RBFOX1: variants seen among roughly 807,000 people sequenced by gnomAD.
The protein encoded by RBFOX1 is RNA binding protein fox-1 homolog 1.
Under a neutral mutation model 57.7 loss-of-function variants are expected in RBFOX1, and 8 were observed. The ratio of observed to expected loss-of-function variants is 0.14; its 90% CI spans 0.08 to 0.25. The LOEUF is 0.25. Ranked by LOEUF, RBFOX1 falls within the 10% of genes least tolerant of loss-of-function variation. RBFOX1 has a pLI of 1.00. For missense variants in RBFOX1, 611 were observed against 548.5 expected (o/e 1.11, Z -1.14); for synonymous variants, 326 against 222.4 (o/e 1.47, Z -4.15).
At chr16:6,884,295 C>G (rs907859529) in intron 3 of RBFOX1, among the ~76,000 whole-genome samples, 4 of 152,150 alleles carry the variant, frequency 2.6e-5, no homozygotes, top group Non-Finnish European at 5.9e-5. Flanking sequence ...TACTGTGAAG[C>G]AACTGCAGCT....
intron 10 of RBFOX1, chr16:7,614,827 A>T (rs960122652): frequency 1.3e-5 from 2 of 152,238 alleles, no homozygotes; most frequent in Non-Finnish European, 2.9e-5. Flanking sequence ...CATTATTTTC[A>T]TGATCAAATT....
intron 3 of RBFOX1, chr16:6,774,005 A>G: frequency 2.0e-6 from 2 of 985,310 alleles, no homozygotes; most frequent in Non-Finnish European, 2.4e-6. Context: ...TTAGCTCCTC[A>G]GAGACCAGGT....
At chr16:5,467,176 C>T (rs1271755578) in intron 1 of RBFOX1, 6 of 1,248,926 alleles carry the variant, frequency 4.8e-6, no homozygotes, top group Admixed American at 2.6e-5. Flanking sequence ...AATGTTTCTT[C>T]TCTCTCTCTC....
chr16:6,328,733 A>G (rs1485827498), intron 2 of RBFOX1, among the ~76,000 whole-genome samples: 1 of 146,436 alleles, frequency 6.8e-6, no homozygotes, highest in Non-Finnish European at 1.5e-5. Context: ...GATTAAATAA[A>G]AATTCCTTTT....
chr16:7,401,768 C>T (rs1439566663), intron 4 of RBFOX1, among the ~76,000 whole-genome samples: 1 of 152,118 alleles, frequency 6.6e-6, no homozygotes, highest in African/African-American at 2.4e-5. Flanking sequence ...GACATATTGG[C>T]ACAACTCAGG....
intron 3 of RBFOX1, among the ~76,000 whole-genome samples, chr16:5,656,225 T>A (rs1392363595): frequency 1.3e-5 from 2 of 152,196 alleles, no homozygotes; most frequent in Non-Finnish European, 2.9e-5. Context: ...GAGTTTCTTA[T>A]TTTATAAAGT....
At chr16:7,023,469 A>AG (rs1182947187) in intron 3 of RBFOX1, among the ~76,000 whole-genome samples, 1 of 150,714 alleles carries the variant, frequency 6.6e-6, no homozygotes, top group African/African-American at 2.4e-5. Flanking sequence ...CAAAAAAAAA[A>AG]AGAGAGAAAT....
chr16:5,828,159 C>T (rs1391975905), intron 3 of RBFOX1, among the ~76,000 whole-genome samples: 1 of 152,032 alleles, frequency 6.6e-6, no homozygotes, highest in Non-Finnish European at 1.5e-5. Flanking sequence ...TCAGTCTATC[C>T]ATCCCTGCAT....
chr16:6,761,171 T>C (rs983146599), intron 3 of RBFOX1, among the ~76,000 whole-genome samples: 1 of 152,156 alleles, frequency 6.6e-6, no homozygotes. Context: ...TAAATGTGAA[T>C]CTGTACTTTA....
intron 13 of RBFOX1, among the ~76,000 whole-genome samples, chr16:7,673,282 A>G (rs575735311): frequency 2.6e-4 from 40 of 152,308 alleles, no homozygotes; most frequent in African/African-American, 9.6e-4. Context: ...CTCAGTGTTC[A>G]TGAATATTGT....
intron 1 of RBFOX1, among the ~76,000 whole-genome samples, chr16:6,241,358 T>C (rs879013888): frequency 7.2e-5 from 11 of 152,174 alleles, no homozygotes; most frequent in African/African-American, 2.7e-4. Context: ...AGATGAAACA[T>C]ACTGTTGTGA....
intron 3 of RBFOX1, among the ~76,000 whole-genome samples, chr16:6,967,890 C>T (rs1374062522): frequency 6.6e-6 from 1 of 152,088 alleles, no homozygotes; most frequent in Non-Finnish European, 1.5e-5. Flanking sequence ...AAAAAGATGC[C>T]CCAAATCACT....
At chr16:6,971,184 C>T (rs969647659) in intron 3 of RBFOX1, among the ~76,000 whole-genome samples, 4 of 152,034 alleles carry the variant, frequency 2.6e-5, no homozygotes, top group African/African-American at 7.2e-5. Context: ...AAAAAGTATC[C>T]GCTATACAGA....
chr16:7,045,537 G>C (rs77706368), intron 3 of RBFOX1, among the ~76,000 whole-genome samples: 8,936 of 152,282 alleles, frequency 0.059, 469 homozygotes, highest in East Asian at 0.2. Context: ...CATGGCACAA[G>C]TCAGAGGTCA....
intron 3 of RBFOX1, among the ~76,000 whole-genome samples, chr16:6,665,991 C>A (rs9931572): frequency 0.64 from 96,649 of 151,840 alleles, 31,476 homozygotes; most frequent in African/African-American, 0.77. Flanking sequence ...TTTCCCCCAC[C>A]CTGTTCTCAT....
chr16:6,541,151 A>T (rs1365750853), intron 2 of RBFOX1, among the ~76,000 whole-genome samples: 6 of 152,194 alleles, frequency 3.9e-5, no homozygotes, highest in African/African-American at 1.4e-4. Context: ...GTGAGTTGGT[A>T]GTAGGACACA....
At chr16:6,487,982 A>G (rs1329240644) in intron 2 of RBFOX1, among the ~76,000 whole-genome samples, 1 of 152,040 alleles carries the variant, frequency 6.6e-6, no homozygotes, top group Non-Finnish European at 1.5e-5. Flanking sequence ...ACTTGTTCAC[A>G]CAAAGAGTGT....
At chr16:7,497,109 C>T (rs1438920518) in intron 4 of RBFOX1, among the ~76,000 whole-genome samples, 1 of 152,124 alleles carries the variant, frequency 6.6e-6, no homozygotes, top group Non-Finnish European at 1.5e-5. Flanking sequence ...ACAAACCTGA[C>T]CATGTGAATC....
At chr16:5,445,030 C>T (rs1276023828) in intron 1 of RBFOX1, among the ~76,000 whole-genome samples, 4 of 152,084 alleles carry the variant, frequency 2.6e-5, no homozygotes, top group African/African-American at 9.7e-5. Flanking sequence ...TTCTGGTGGG[C>T]TTTAACAGGA....
Sources: gnomAD v4.1 joint callset for allele counts (sites outside exome capture counted in the v4.1 genomes callset) on GRCh38, gnomAD v4.1.1 for gene constraint, MANE v1.5 for transcripts, NCBI Gene and HGNC (gene_info 2026-07-23, HGNC 2026-07-21) for gene names.